TENM2: variants seen among roughly 807,000 people sequenced by gnomAD.
TENM2 encodes the protein teneurin-2.
A neutral mutation model predicts 245.2 loss-of-function variants in TENM2; 52 were observed. The observed-to-expected ratio is 0.21, with a 90% CI of 0.17 to 0.27. The LOEUF (loss-of-function observed/expected upper bound fraction) is 0.27, where lower values mean the gene tolerates loss of function less well. Among genes scored for constraint, TENM2 ranks in the 10% least tolerant of loss-of-function variants. The pLI is 1.00. For synonymous variants in TENM2, 1,363 were observed against 1,438.9 expected, an observed-to-expected ratio of 0.95 and a Z score of 1.19; for missense variants, 3,046 against 3,666.8, an observed-to-expected ratio of 0.83 and a Z score of 4.37.
At chr5:167,683,326 T>C (rs1236052170) in intron 2 of TENM2, among the ~76,000 whole-genome samples, 1 of 152,056 alleles carries the variant, frequency 6.6e-6, no homozygotes, top group East Asian at 1.9e-4. Flanking sequence ...CATTTTTATA[T>C]TAGTTTGTCC....
At chr5:167,455,764 G>A (rs1765882009) in intron 2 of TENM2, among the ~76,000 whole-genome samples, 1 of 151,950 alleles carries the variant, frequency 6.6e-6, no homozygotes, top group African/African-American at 2.4e-5. Context: ...ACCGTTCAAG[G>A]GTGATTATAG....
chr5:168,215,205 A>G (rs1763085300), exon 21 of TENM2: 17 of 1,613,788 alleles, frequency 1.1e-5, no homozygotes, highest in Non-Finnish European at 1.4e-5. Context: ...AGCAGTGTCT[A>G]CCCTTTGATG....
the TENM2 span, among the ~76,000 whole-genome samples, chr5:167,135,371 A>G: frequency 1.3e-5 from 2 of 152,246 alleles, no homozygotes; most frequent in African/African-American, 4.8e-5. Context: ...AGGTCCATTG[A>G]GAGCAAATGT....
intron 2 of TENM2, among the ~76,000 whole-genome samples, chr5:167,618,771 C>G (rs1343875372): frequency 6.6e-6 from 1 of 152,158 alleles, no homozygotes; most frequent in East Asian, 1.9e-4. Context: ...CTTTCCATCT[C>G]TATCCCCCAC....
rs1554126502 is a variant in TENM2, at chr5:167,827,633, G to GGC, written c.503-48352_503-48351insCG. Among the ~76,000 whole-genome samples the GGC allele has an allele frequency of 5.0e-5, 6 of 120,136 alleles. 1 individual carries two copies. The highest frequency in any genetic ancestry group is 7.0e-4 in the South Asian group (2 of 2,840). 78.8% of individuals were successfully genotyped at this position (120,136 alleles called of 152,430 possible). Reference sequence around the variant, plus strand: ...ATGGCAAGGAGCTAGGTGGGCGGGGGGGGGGGAACAGTTTAATGAGCGTGA... The same window carrying GGC: ...ATGGCAAGGAGCTAGGTGGGCGGGGGGCGGGGGGAACAGTTTAATGAGCGTGA... On this transcript the variant is annotated intron_variant, in intron 2 of 28. Coordinates refer to ENST00000518659, the Ensembl canonical transcript of TENM2.
At chr5:167,052,406 G>GGTGTTAT in the TENM2 span, among the ~76,000 whole-genome samples, 3 of 152,036 alleles carry the variant, frequency 2.0e-5, no homozygotes, top group African/African-American at 7.2e-5. Context: ...AAAATTTTAT[G>GGTGTTAT]GTGTTATGGG....
At chr5:167,929,940 CCT>C (rs1405952592) in intron 3 of TENM2, among the ~76,000 whole-genome samples, 1 of 152,186 alleles carries the variant, frequency 6.6e-6, no homozygotes, top group Non-Finnish European at 1.5e-5. Flanking sequence ...TTCAGCTCTG[CCT>C]CTCTGCCTTC....
At chr5:168,209,228 A>G (rs1410897973) in intron 19 of TENM2, among the ~76,000 whole-genome samples, 3 of 152,198 alleles carry the variant, frequency 2.0e-5, no homozygotes, top group East Asian at 3.9e-4. Context: ...ATCTTTATCA[A>G]GTTTCCTTTT....
At chr5:167,642,835 C>A (rs1481482914) in intron 2 of TENM2, among the ~76,000 whole-genome samples, 1 of 152,152 alleles carries the variant, frequency 6.6e-6, no homozygotes, top group Non-Finnish European at 1.5e-5. Flanking sequence ...ACCAAGCCCC[C>A]CTTAGCATGT....
At chr5:167,142,948 A>T in the TENM2 span, among the ~76,000 whole-genome samples, 1 of 152,206 alleles carries the variant, frequency 6.6e-6, no homozygotes, top group Non-Finnish European at 1.5e-5. Flanking sequence ...CTGCGGGAAC[A>T]TTGAGTTTGG....
chr5:168,084,061 C>A (rs1792234036), intron 7 of TENM2, among the ~76,000 whole-genome samples: 1 of 152,138 alleles, frequency 6.6e-6, no homozygotes, highest in Admixed American at 6.5e-5. Context: ...GAATGATGGC[C>A]TCCAGCTACA....
the TENM2 span, among the ~76,000 whole-genome samples, chr5:167,188,311 G>C: frequency 2.0e-5 from 3 of 152,164 alleles, no homozygotes; most frequent in Non-Finnish European, 4.4e-5. Flanking sequence ...CTTCAGCGCG[G>C]GCTGCTGCTG....
At chr5:168,019,117 T>C (rs536010277) in intron 5 of TENM2, among the ~76,000 whole-genome samples, 10 of 152,124 alleles carry the variant, frequency 6.6e-5, no homozygotes, top group Admixed American at 6.5e-4. Context: ...AGTGCAGTGA[T>C]TAAAGCCTGG....
intron 2 of TENM2, among the ~76,000 whole-genome samples, chr5:167,655,073 C>T (rs182201761): frequency 1.4e-3 from 212 of 152,178 alleles, no homozygotes; most frequent in Non-Finnish European, 1.6e-3. Flanking sequence ...AGATTACAGA[C>T]GATCGATAGC....
chr5:167,829,848 A>G (rs10079289), intron 2 of TENM2, among the ~76,000 whole-genome samples: 12,248 of 152,220 alleles, frequency 0.08, 588 homozygotes, highest in Middle Eastern at 0.13. Flanking sequence ...TGACACCATG[A>G]GGAATCCCAT....
intron 25 of TENM2, among the ~76,000 whole-genome samples, chr5:168,233,036 A>G (rs1765078059): frequency 6.6e-6 from 1 of 152,108 alleles, no homozygotes; most frequent in Admixed American, 6.5e-5. Flanking sequence ...CCTTGCAAAA[A>G]CATGAAGCAG....
At chr5:167,629,421 CTTAT>C (rs1778721656) in intron 2 of TENM2, among the ~76,000 whole-genome samples, 1 of 152,172 alleles carries the variant, frequency 6.6e-6, no homozygotes, top group Admixed American at 6.5e-5. Context: ...TTCATTAATA[CTTAT>C]TTATTATGTC....
the TENM2 span, among the ~76,000 whole-genome samples, chr5:167,077,170 A>G: frequency 2.6e-5 from 4 of 152,212 alleles, no homozygotes; most frequent in Non-Finnish European, 4.4e-5. Flanking sequence ...ATGCAATACT[A>G]CATATTTCAC....
chr5:167,602,087 T>G (rs1227285548), intron 2 of TENM2, among the ~76,000 whole-genome samples: 1 of 152,090 alleles, frequency 6.6e-6, no homozygotes, highest in East Asian at 1.9e-4. Context: ...GTTTTGGCCA[T>G]GAATACTGCT....
Sources: allele counts gnomAD v4.1 joint callset (sites outside exome capture counted in the v4.1 genomes callset), GRCh38; gene constraint gnomAD v4.1.1; transcripts MANE v1.5; gene names NCBI Gene and HGNC (gene_info 2026-07-23, HGNC 2026-07-21).